Variants in CCDC28A observed in about 807,000 individuals in gnomAD.
The protein encoded by CCDC28A is coiled-coil domain containing 28A.
Under a neutral mutation model 22.1 loss-of-function variants are expected in CCDC28A, and 24 were observed. That is an observed-to-expected ratio of 1.09 (90% confidence interval 0.79 to 1.53). The LOEUF is 1.53. Among genes scored for constraint, CCDC28A ranks in the 40% most tolerant of loss-of-function variants. The probability of loss-of-function intolerance (pLI) is 0.00; values close to 1 mark genes in which losing one functional copy is unlikely to be tolerated. For missense variants in CCDC28A, 170 were observed against 210.7 expected, an observed-to-expected ratio of 0.81 and a Z score of 1.20; for synonymous variants, 83 against 74.7, an observed-to-expected ratio of 1.11 and a Z score of -0.57.
At chr6:138,778,758 A>T (rs1032183215) in intron 2 of CCDC28A, among the ~76,000 whole-genome samples, 7 of 151,922 alleles carry the variant, frequency 4.6e-5, no homozygotes, top group Non-Finnish European at 1.0e-4. Flanking sequence ...GGCAATGCAA[A>T]GCTACTAAAG....
At position 138,773,867 on chromosome 6, in the gene CCDC28A, G is replaced by T. The variant is rs1292187825; in HGVS notation, c.-78G>T. 2.5e-6 allele frequency: 4 copies of T among 1,613,856 alleles called. No individual in the cohort carries two copies. Among genetic ancestry groups the T allele is most frequent in the African/African-American group, 1.3e-5 (1 of 74,910 alleles). On this transcript the variant is annotated 5_prime_UTR_variant, in exon 1 of 6. Transcript: ENST00000617445. ...TTCTGAGGCTGTCGGGTCTTTGCGG[G>T]TTGCGGAAGGGGGCCCCAATACCCT...
intron 4 of CCDC28A, among the ~76,000 whole-genome samples, chr6:138,787,957 C>CTTTTT (rs397886393): frequency 1.1e-4 from 9 of 85,292 alleles, no homozygotes; most frequent in Non-Finnish European, 2.1e-4. Context: ...TTACAGAAAG[C>CTTTTT]TTTTTTTTTT....
chr6:138,781,414 T>C (rs765152515), intron 3 of CCDC28A, among the ~76,000 whole-genome samples: 1 of 152,252 alleles, frequency 6.6e-6, no homozygotes, highest in African/African-American at 2.4e-5. Flanking sequence ...TCTATTCTTT[T>C]GGGATTGATT....
At chr6:138,781,005 A>C (rs557639386) in intron 3 of CCDC28A, among the ~76,000 whole-genome samples, 22 of 152,194 alleles carry the variant, frequency 1.4e-4, no homozygotes, top group African/African-American at 4.8e-4. Flanking sequence ...TTGATTTTTT[A>C]AAGTATTCTT....
At chr6:138,782,451 T>A (rs1475203342) in intron 3 of CCDC28A, among the ~76,000 whole-genome samples, 1 of 152,162 alleles carries the variant, frequency 6.6e-6, no homozygotes, top group Admixed American at 6.5e-5. Context: ...CGTAACATAT[T>A]TTCTATTGTT....
At position 138,788,385 on chromosome 6, in the gene CCDC28A, C is replaced by G; in HGVS notation, c.497C>G (p.Ser166Cys). 7.9e-7 allele frequency: 1 copy of G among 1,262,882 alleles called. No homozygotes were observed. Among genetic ancestry groups the G allele is most frequent in the Non-Finnish European group, 1.1e-6 (1 of 919,050 alleles). 78.2% of individuals were successfully genotyped at this position (1,262,882 alleles called of 1,614,324 possible). A position where few individuals can be genotyped will look rare whatever the true frequency, so the allele number is the denominator to read the frequency against. Residue 166 changes from serine to cysteine, a missense_variant, in exon 5 of 6, where the codon TCC becomes TGC. Physicochemically the swap from Ser to Cys is moderately radical, Grantham distance 112. Transcript: ENST00000617445. ...LLSDLEELNS[S>C]IQKLHLADAQ... ...TTACAGTTAGAAGAATTGAATTCTT[C>G]CATGTATCCTTTGTCTGCTATCAAC...
intron 5 of CCDC28A, among the ~76,000 whole-genome samples, 177 bp downstream of exon 5, chr6:138,788,565 T>TTTG (rs1775126794): frequency 8.4e-6 from 1 of 118,650 alleles, no homozygotes; most frequent in African/African-American, 2.9e-5. Flanking sequence ...TCTTTTTTCT[T>TTTG]TTCTTTTTTT....
intron 1 of CCDC28A, among the ~76,000 whole-genome samples, chr6:138,775,368 A>C (rs2114898668): frequency 6.6e-6 from 1 of 152,362 alleles, no homozygotes; most frequent in Non-Finnish European, 1.5e-5. Flanking sequence ...CACATTGTTA[A>C]CTTTTTTGAT....
intron 4 of CCDC28A, among the ~76,000 whole-genome samples, 199 bp from the exon 5 acceptor site, chr6:138,788,167 T>C (rs1228665271): frequency 2.0e-5 from 3 of 150,264 alleles, no homozygotes; most frequent in Non-Finnish European, 4.5e-5. Context: ...TACCATGTTG[T>C]CCAGGCTAGT....
At chr6:138,789,917 C>T (rs9495250) in intron 5 of CCDC28A, among the ~76,000 whole-genome samples, 1,878 of 152,252 alleles carry the variant, frequency 0.012, 46 homozygotes, top group African/African-American at 0.042. Context: ...TTATTTGGCC[C>T]TACTTGGAAG....
chr6:138,787,147 A>C (rs989628367), intron 4 of CCDC28A, among the ~76,000 whole-genome samples: 1 of 152,210 alleles, frequency 6.6e-6, no homozygotes, highest in Non-Finnish European at 1.5e-5. Flanking sequence ...GCTGTAGTCT[A>C]AATGTTTATG....
At chr6:138,789,419 A>G (rs1334223208) in intron 5 of CCDC28A, among the ~76,000 whole-genome samples, 2 of 152,242 alleles carry the variant, frequency 1.3e-5, no homozygotes, top group Admixed American at 6.5e-5. Flanking sequence ...TAATTGCTAC[A>G]TGTGATGATG....
At position 138,785,263 on chromosome 6, in the gene CCDC28A, G is replaced by A. The variant is rs143442772; in HGVS notation, c.359G>A (p.Arg120Gln). ...TCCATTGAACAGATGGAACATGTTCGGGGAATGCAGGAGAAATTAGCTCGC... is the reference window on the plus strand; with the variant it reads ...TCCATTGAACAGATGGAACATGTTCAGGGAATGCAGGAGAAATTAGCTCGC... ...ECSIEQMEHV[R>Q]GMQEKLARLN... Residue 120 changes from arginine to glutamine, a missense_variant, in exon 4 of 6, where the codon CGG becomes CAG. Coordinates refer to ENST00000617445, the MANE Select transcript of CCDC28A (RefSeq NM_015439.3). 1.2e-4 allele frequency: 196 copies of A among 1,613,442 alleles called. 1 individual carries two copies. The highest frequency in any genetic ancestry group is 1.2e-3 in the Middle Eastern group (7 of 6,062).
At chr6:138,773,941 C>G in intron 1 of CCDC28A, 39 bp downstream of exon 1, 1 of 1,603,266 alleles carries the variant, frequency 6.2e-7, no homozygotes, top group South Asian at 1.1e-5. Context: ...CAACCTGCCC[C>G]TTTAGGCCCT....
chr6:138,775,685 C>T (rs1265997847), intron 1 of CCDC28A, among the ~76,000 whole-genome samples: 2 of 152,196 alleles, frequency 1.3e-5, no homozygotes, highest in African/African-American at 4.8e-5. Context: ...TTGAATCAGG[C>T]TGGGAATATT....
At chr6:138,778,795 T>C (rs185925497) in intron 2 of CCDC28A, among the ~76,000 whole-genome samples, 37 of 145,710 alleles carry the variant, frequency 2.5e-4, no homozygotes, top group Non-Finnish European at 4.0e-4. Context: ...TGACACGGAG[T>C]CTCGCTCTGT....
At position 138,776,192 on chromosome 6, in the gene CCDC28A, CA is replaced by C. The variant is rs756347761; in HGVS notation, c.80del (p.Asn27MetfsTer5). ...SAHCTQVVNA[K>X]KNAIPVSKST... Reference sequence around the variant, plus strand: ...CCCACTGTACTCAGGTTGTCAATGCCAAAAAAAATGCCATTCCAGTGAGTAA... The same window carrying C: ...CCCACTGTACTCAGGTTGTCAATGCCAAAAAAATGCCATTCCAGTGAGTAA... On this transcript the variant is annotated frameshift_variant, in exon 2 of 6. Transcript: ENST00000617445. LOFTEE classifies it high-confidence loss of function. 15 of 1,610,712 alleles carry C rather than the reference CA, an allele frequency of 9.3e-6. No homozygotes were observed. The highest frequency in any genetic ancestry group is 1.2e-5 in the Non-Finnish European group (14 of 1,177,620).
In CCDC28A at chr6:138,776,088, AG is replaced by A. The variant is rs752169119; in HGVS notation, c.-32del. ...TGTATTCCTTATTTAGGTCTTAAGA[AG>A]CTGGCCGTGGTGCAATAAGGAACTT... is the stretch of plus-strand genomic sequence containing the variant. On this transcript the variant is annotated 5_prime_UTR_variant, in exon 2 of 6. Transcript: ENST00000617445. 8 of 1,613,574 alleles carry A rather than the reference AG, an allele frequency of 5.0e-6. No homozygotes were observed. The African/African-American group carries it at 1.1e-4, about 22-fold the overall frequency.
At chr6:138,779,437 C>T (rs1413117251) in intron 2 of CCDC28A, among the ~76,000 whole-genome samples, 1 of 152,098 alleles carries the variant, frequency 6.6e-6, no homozygotes, top group African/African-American at 2.4e-5. Context: ...ACTCCAAAAC[C>T]ATATGTAGAA....
Sources: gnomAD v4.1 joint callset for allele counts (sites outside exome capture counted in the v4.1 genomes callset) on GRCh38, gnomAD v4.1.1 for gene constraint, MANE v1.5 for transcripts, NCBI Gene and HGNC (gene_info 2026-07-23, HGNC 2026-07-21) for gene names.